The following CLEC3A variants were observed in gnomAD, a reference collection of about 807,000 sequenced individuals.
The protein encoded by CLEC3A is C-type (calcium dependent, carbohydrate-recognition domain) lectin, superfamily member 1 (cartilage-derived).
Under a neutral mutation model 20.4 loss-of-function variants are expected in CLEC3A, and 28 were observed. The observed-to-expected ratio is 1.37, with a 90% CI of 1.02 to 1.88. The LOEUF (loss-of-function observed/expected upper bound fraction) is 1.88. Among genes scored for constraint, CLEC3A ranks in the 40% most tolerant of loss-of-function variants. The pLI is 0.00. For synonymous variants in CLEC3A, 110 were observed against 88.1 expected (o/e 1.25, Z -1.39); for missense variants, 357 against 240.4 (o/e 1.48, Z -3.21).
At chr16:78,025,919 G>C (rs1233611940) in intron 1 of CLEC3A, among the ~76,000 whole-genome samples, 2 of 152,166 alleles carry the variant, frequency 1.3e-5, no homozygotes, top group Non-Finnish European at 2.9e-5. Flanking sequence ...TCTCCCAGTA[G>C]AGGCCACTTA....
intron 2 of CLEC3A, chr16:78,029,195 G>A: frequency 4.4e-6 from 2 of 452,822 alleles, no homozygotes; most frequent in East Asian, 7.0e-5. Context: ...TGTCAGAGAT[G>A]AGACCTAAAC....
In CLEC3A at chr16:78,028,159, T is replaced by C. The variant is rs1193616327; in HGVS notation, c.168T>C (p.Asn56=). Residue 56 remains asparagine, a synonymous_variant, in exon 2 of 3, where the codon AAT becomes AAC. Transcript: ENST00000299642. The part of the protein sequence containing the change: ...TQIEKLWTEV[N]ALKEIQALQT... ...TTGAAAAGCTCTGGACAGAAGTCAA[T>C]GCCTTGAAGGAAATTCAAGCCCTGC... is the stretch of plus-strand genomic sequence containing the variant. 6.2e-7 allele frequency: 1 copy of C among 1,610,974 alleles called. No individual in the cohort carries two copies. The highest frequency in any genetic ancestry group is 8.5e-7 in the Non-Finnish European group (1 of 1,179,264).
chr16:78,027,828 A>C (rs1302194610), intron 1 of CLEC3A, among the ~76,000 whole-genome samples: 27 of 152,104 alleles, frequency 1.8e-4, no homozygotes, highest in Non-Finnish European at 4.0e-4. Flanking sequence ...GCTAATTTTT[A>C]TACTTTTAGT....
chr16:78,025,114 C>G (rs757499086), intron 1 of CLEC3A, among the ~76,000 whole-genome samples: 3 of 152,054 alleles, frequency 2.0e-5, no homozygotes, highest in Non-Finnish European at 4.4e-5. Context: ...CAGCCTATTC[C>G]CAGAGTTTTT....
Position 78,030,614 on chromosome 16 carries a change from C to G in CLEC3A, c.367C>G (p.Pro123Ala), listed in dbSNP as rs768580704. 6.2e-7 allele frequency: 1 copy of G among 1,614,094 alleles called. No individual in the cohort carries two copies. Among genetic ancestry groups the G allele is most frequent in the Admixed American group, 1.7e-5 (1 of 60,006 alleles). ...ALQDYGKRSL[P>A]GVNDFWLGIN... ...CCAAGACTATGGTAAAAGGAGCCTG[C>G]CAGGTGTCAATGACTTTTGGCTGGG... Residue 123 changes from proline to alanine, a missense_variant, in exon 3 of 3, where the codon CCA becomes GCA. By Grantham distance (27) the Pro-to-Ala change is conservative. Coordinates refer to ENST00000299642, the MANE Select transcript of CLEC3A (RefSeq NM_005752.6).
chr16:78,023,077 T>C (rs2075737), intron 1 of CLEC3A, among the ~76,000 whole-genome samples: 19,987 of 152,260 alleles, frequency 0.13, 1,544 homozygotes, highest in East Asian at 0.38. Context: ...GTTATTAATA[T>C]GGGGCAAGAA....
At chr16:78,027,410 G>A (rs893221319) in intron 1 of CLEC3A, among the ~76,000 whole-genome samples, 3 of 152,156 alleles carry the variant, frequency 2.0e-5, no homozygotes, top group East Asian at 1.9e-4. Flanking sequence ...ACAGGAAAGC[G>A]CTGGAGCAAG....
At chr16:78,024,639 G>C (rs970300743) in intron 1 of CLEC3A, among the ~76,000 whole-genome samples, 1 of 152,056 alleles carries the variant, frequency 6.6e-6, no homozygotes, top group Non-Finnish European at 1.5e-5. Flanking sequence ...AACCTAAACC[G>C]ATCAAGCAAT....
rs111409480 is a variant in CLEC3A, at chr16:78,030,336, C to T, written c.200-111C>T. The stretch of plus-strand genomic sequence containing the variant: ...ACATAGAAAATTTTAACTGTTGTCT[C>T]ATCATTATCATACTTCATTCCACAA... On this transcript the variant is annotated intron_variant, in intron 2 of 2. Transcript: ENST00000299642. 70 of 971,040 alleles carry T rather than the reference C, an allele frequency of 7.2e-5. 1 individual carries two copies. Among genetic ancestry groups the T allele is most frequent in the Middle Eastern group, 7.2e-4 (3 of 4,176 alleles). 60.2% of individuals were successfully genotyped at this position (971,040 alleles called of 1,614,324 possible). A position where few individuals can be genotyped will look rare whatever the true frequency, so the allele number is the denominator to read the frequency against.
chr16:78,029,035 T>C (rs574112143), intron 2 of CLEC3A: 1 of 439,066 alleles, frequency 2.3e-6, no homozygotes, highest in East Asian at 7.1e-5. Flanking sequence ...GTTCATCCTT[T>C]ACCCACAGTC....
In CLEC3A at chr16:78,030,586, C is replaced by A. The variant is rs758919161; in HGVS notation, c.339C>A (p.Ala113=). ...CCAGGAACTCCGACGAAATCAACGCCCTCCAAGACTATGGTAAAAGGAGCC... is the reference window on the plus strand; with the variant it reads ...CCAGGAACTCCGACGAAATCAACGCACTCCAAGACTATGGTAAAAGGAGCC... ...VIPRNSDEIN[A]LQDYGKRSLP... is the part of the protein sequence containing the mutation. Residue 113 remains alanine (A), a synonymous_variant, in exon 3 of 3, where the codon GCC becomes GCA. Coordinates refer to ENST00000299642, the MANE Select transcript of CLEC3A (RefSeq NM_005752.6). 1 of 1,614,138 alleles carries A rather than the reference C, an allele frequency of 6.2e-7. No individual in the cohort carries two copies. The highest frequency in any genetic ancestry group is 8.5e-7 in the Non-Finnish European group (1 of 1,180,018).
chr16:78,027,999 G>A (rs1219061097), intron 1 of CLEC3A, 108 bp from the exon 2 acceptor site: 3 of 795,414 alleles, frequency 3.8e-6, no homozygotes, highest in Admixed American at 2.4e-5. Context: ...CTGGGCTCAG[G>A]TTCACCAAAA....
At chr16:78,024,798 T>C (rs115631065) in intron 1 of CLEC3A, among the ~76,000 whole-genome samples, 3,099 of 152,308 alleles carry the variant, frequency 0.02, 37 homozygotes, top group Middle Eastern at 0.034. Flanking sequence ...CAGGTAATAC[T>C]ATTCCCAGAA....
intron 1 of CLEC3A, among the ~76,000 whole-genome samples, chr16:78,024,003 A>G (rs1242990992): frequency 1.3e-5 from 2 of 152,024 alleles, no homozygotes; most frequent in Non-Finnish European, 2.9e-5. Flanking sequence ...GTGATTCGTC[A>G]GCCTCGGCCT....
chr16:78,028,554 AC>A (rs1307179533), intron 2 of CLEC3A, among the ~76,000 whole-genome samples: 1 of 152,230 alleles, frequency 6.6e-6, no homozygotes, highest in East Asian at 1.9e-4. Context: ...CTCGGGCCAC[AC>A]CCAGCCTAAG....
At chr16:78,028,845 C>T (rs149463225) in intron 2 of CLEC3A, among the ~76,000 whole-genome samples, 5 of 152,232 alleles carry the variant, frequency 3.3e-5, no homozygotes, top group East Asian at 1.9e-4. Flanking sequence ...ACTGAAGTTA[C>T]GGCTTTCCAT....
At position 78,030,552 on chromosome 16, in the gene CLEC3A, T is replaced by C. The variant is rs769667527; in HGVS notation, c.305T>C (p.Leu102Pro). 38 of 1,614,170 alleles carry C rather than the reference T, an allele frequency of 2.4e-5. No homozygotes were observed. The highest frequency in any genetic ancestry group is 3.1e-5 in the Non-Finnish European group (36 of 1,180,038). ...NEDCISKGGI[L>P]VIPRNSDEIN... ...GACTGCATTTCCAAAGGAGGAATCC[T>C]GGTTATCCCCAGGAACTCCGACGAA... The change falls in exon 3 of 3, where the codon CTG (leucine) becomes CCG (proline). Residue 102 changes from leucine (L) to proline (P), a missense_variant. Coordinates refer to ENST00000299642, the MANE Select transcript of CLEC3A (RefSeq NM_005752.6).
At chr16:78,026,657 T>C (rs1811256218) in intron 1 of CLEC3A, among the ~76,000 whole-genome samples, 2 of 152,162 alleles carry the variant, frequency 1.3e-5, no homozygotes, top group South Asian at 4.1e-4. Context: ...TGTGGAAGCT[T>C]TTAATAATTT....
chr16:78,031,480 C>G lies in CLEC3A; in HGVS notation c.*639C>G, dbSNP rs946041928. 1 of 151,746 alleles carries G rather than the reference C, an allele frequency of 6.6e-6. No individual in the cohort carries two copies. The highest frequency in any genetic ancestry group is 1.5e-5 in the Non-Finnish European group (1 of 67,984). 9.4% of individuals were successfully genotyped at this position (151,746 alleles called of 1,614,324 possible). ...TACCCTTTTTTTGGAAGTTTCCAGC[C>G]GCAATTTGAAATGAAATGACAAGGT... On this transcript the variant is annotated 3_prime_UTR_variant, in exon 3 of 3. Coordinates refer to ENST00000299642, the MANE Select transcript of CLEC3A (RefSeq NM_005752.6).
Sources: gnomAD v4.1 joint callset for allele counts (sites outside exome capture counted in the v4.1 genomes callset) on GRCh38, gnomAD v4.1.1 for gene constraint, MANE v1.5 for transcripts, NCBI Gene and HGNC (gene_info 2026-07-23, HGNC 2026-07-21) for gene names.